Variants in CHLSN observed in about 807,000 individuals in gnomAD.
The protein encoded by CHLSN is cholesin.
the CHLSN span, among the ~76,000 whole-genome samples, chr7:1,110,483 G>A: frequency 4.6e-5 from 7 of 152,294 alleles, no homozygotes; most frequent in East Asian, 1.2e-3. Flanking sequence ...AGGCACGGCC[G>A]CCTGGGCAGC....
At chr7:1,037,110 C>A in the CHLSN span, among the ~76,000 whole-genome samples, 5 of 145,756 alleles carry the variant, frequency 3.4e-5, no homozygotes, top group East Asian at 7.8e-4. Context: ...GACCCTGTCT[C>A]AAAAAAAAAT....
At chr7:1,136,550 A>G in the CHLSN span, among the ~76,000 whole-genome samples, 42 of 112,384 alleles carry the variant, frequency 3.7e-4, 1 homozygote, top group African/African-American at 1.3e-3. Context: ...GAACATATAT[A>G]AACATATATA....
chr7:985,128 C>T, the CHLSN span: 1 of 1,605,660 alleles, frequency 6.2e-7, no homozygotes, highest in East Asian at 2.2e-5. Flanking sequence ...ACGCCCCTCC[C>T]CGGGCCTGGA....
At chr7:1,045,091 T>C in the CHLSN span, among the ~76,000 whole-genome samples, 4 of 152,236 alleles carry the variant, frequency 2.6e-5, no homozygotes, top group Non-Finnish European at 5.9e-5. Context: ...TCAGTTGTCT[T>C]GGACAGTTGG....
At chr7:1,099,051 T>C in the CHLSN span, among the ~76,000 whole-genome samples, 2 of 152,334 alleles carry the variant, frequency 1.3e-5, no homozygotes, top group African/African-American at 2.4e-5. Context: ...TTCCTGCAGC[T>C]GGCCTTCCTT....
At chr7:1,023,181 A>G in the CHLSN span, among the ~76,000 whole-genome samples, 2 of 152,244 alleles carry the variant, frequency 1.3e-5, no homozygotes, top group Non-Finnish European at 2.9e-5. This position sits in a 1 kb window ranked among gnomAD's most constrained non-coding sequence, Gnocchi z 5.0. Context: ...AGGGAGACAC[A>G]GACGAGCAGA....
the CHLSN span, among the ~76,000 whole-genome samples, chr7:1,136,299 CATAT>C: frequency 5.2e-5 from 5 of 96,044 alleles, no homozygotes; most frequent in African/African-American, 1.4e-4. Flanking sequence ...TATATATAAA[CATAT>C]ATAAATATAT....
chr7:1,007,516 T>G, the CHLSN span, among the ~76,000 whole-genome samples: 1 of 152,162 alleles, frequency 6.6e-6, no homozygotes, highest in South Asian at 2.1e-4. Context: ...CACATCCACG[T>G]GGGCTCTGAT....
the CHLSN span, among the ~76,000 whole-genome samples, chr7:994,628 G>A: frequency 1.4e-4 from 21 of 151,770 alleles, no homozygotes; most frequent in African/African-American, 5.1e-4. Flanking sequence ...TTTGTTGGGG[G>A]GCAGTTTAGC....
the CHLSN span, among the ~76,000 whole-genome samples, chr7:1,085,011 C>T: frequency 6.6e-6 from 1 of 152,222 alleles, no homozygotes; most frequent in Non-Finnish European, 1.5e-5. Flanking sequence ...GGCCCTGTGT[C>T]TGGGGCCTCT....
At chr7:1,135,833 A>G in the CHLSN span, among the ~76,000 whole-genome samples, 2 of 139,548 alleles carry the variant, frequency 1.4e-5, no homozygotes, top group Admixed American at 7.7e-5. Context: ...AAATATATAA[A>G]TATATTTACA....
At chr7:984,985 G>A in the CHLSN span, 2 of 1,608,938 alleles carry the variant, frequency 1.2e-6, no homozygotes, top group African/African-American at 1.3e-5. Flanking sequence ...CTGGAGGGCT[G>A]CCCGCCAGTT....
At chr7:1,078,574 G>A in the CHLSN span, among the ~76,000 whole-genome samples, 43 of 151,438 alleles carry the variant, frequency 2.8e-4, no homozygotes, top group Middle Eastern at 0.017. Context: ...GAGGCCTAAC[G>A]CCCCCCACGC....
At chr7:1,017,204 G>A in the CHLSN span, among the ~76,000 whole-genome samples, 7 of 151,936 alleles carry the variant, frequency 4.6e-5, no homozygotes, top group Middle Eastern at 6.8e-3. Flanking sequence ...AGTGGTGGCC[G>A]TGCTGCATCA....
At chr7:1,041,345 TGCGGGGAAGGGGGCCTGGGGTCCGCG>T in the CHLSN span, among the ~76,000 whole-genome samples, 2 of 83,686 alleles carry the variant, frequency 2.4e-5, no homozygotes, top group East Asian at 2.4e-4. Flanking sequence ...GGGTCCGCGC[TGCGGGGAAGGGGGCCTGGGGTCCGCG>T]CTGCAGGGGA....
chr7:1,068,911 A>AC, the CHLSN span, among the ~76,000 whole-genome samples: 20 of 152,238 alleles, frequency 1.3e-4, no homozygotes, highest in East Asian at 7.7e-4. Flanking sequence ...GAAGACTGTG[A>AC]CCCCAGAGTA....
the CHLSN span, chr7:985,196 G>C: frequency 1.3e-6 from 2 of 1,567,176 alleles, no homozygotes; most frequent in Admixed American, 3.8e-5. Context: ...CTACTGGGCT[G>C]GGCTCCCTCC....
chr7:1,050,236 G>A, the CHLSN span, among the ~76,000 whole-genome samples: 5 of 152,214 alleles, frequency 3.3e-5, no homozygotes, highest in Non-Finnish European at 5.9e-5. Flanking sequence ...AGGCACAGTG[G>A]CCCAAAGTCA....
At chr7:1,124,657 T>C in the CHLSN span, among the ~76,000 whole-genome samples, 1 of 149,354 alleles carries the variant, frequency 6.7e-6, no homozygotes, top group African/African-American at 2.5e-5. Context: ...GGCACATGTA[T>C]ACATATGTAA....
Sources: allele counts gnomAD v4.1 joint callset (sites outside exome capture counted in the v4.1 genomes callset), GRCh38; gene constraint gnomAD v4.1.1; non-coding constraint Gnocchi (gnomAD v3.1); transcripts MANE v1.5; gene names NCBI Gene and HGNC (gene_info 2026-07-23, HGNC 2026-07-21).